TRPM5: variants seen among roughly 807,000 people sequenced by gnomAD.
The protein encoded by TRPM5 is MLSN1 and TRP-related.
TRPM5 carries 121 observed loss-of-function variants against 124.9 expected under a neutral mutation model. The observed-to-expected ratio is 0.97, with a 90% CI of 0.84 to 1.13. The LOEUF (loss-of-function observed/expected upper bound fraction) is 1.13, where lower values mean the gene tolerates loss of function less well. TRPM5 is among the 50% of genes most tolerant of loss of function. TRPM5 has a pLI of 0.00. For missense variants in TRPM5, 1,643 were observed against 1,589.1 expected, an observed-to-expected ratio of 1.03 and a Z score of -0.58; for synonymous variants, 781 against 700.5, an observed-to-expected ratio of 1.11 and a Z score of -1.81.
At chr11:2,414,115 C>A in exon 12 of TRPM5, 1 of 1,598,056 alleles carries the variant, frequency 6.3e-7, no homozygotes, top group East Asian at 2.3e-5. Context: ...TGGCCAGGTG[C>A]AGGCAGGTGG....
Position 2,415,903 on chromosome 11 carries a change from C to T in TRPM5, c.1128+3G>A. On this transcript the variant is annotated splice_donor_region_variant and intron_variant, in intron 8 of 23. Coordinates refer to ENST00000155858, the Ensembl canonical transcript of TRPM5. ...GAGGTGGGTAGGCAGGGCTGGGAGGCACCTTCCACTCCACGTCCCCATTGA... is the reference window on the plus strand; with the variant it reads ...GAGGTGGGTAGGCAGGGCTGGGAGGTACCTTCCACTCCACGTCCCCATTGA... The T allele has an allele frequency of 1.3e-6, 2 of 1,564,006 alleles. No individual in the cohort carries two copies. Among genetic ancestry groups the T allele is most frequent in the Non-Finnish European group, 1.7e-6 (2 of 1,151,948 alleles).
At chr11:2,407,085 TCACCCAGG>T in intron 20 of TRPM5, 26 bp downstream of exon 25, 1 of 1,028,304 alleles carries the variant, frequency 9.7e-7, no homozygotes, top group South Asian at 2.1e-5. Context: ...CACCTCGGCC[TCACCCAGG>T]TGCTCCCGCT....
the TRPM5 span, among the ~76,000 whole-genome samples, chr11:2,444,257 G>A: frequency 6.6e-6 from 1 of 152,142 alleles, no homozygotes; most frequent in Non-Finnish European, 1.5e-5. Context: ...TGGGCACCCG[G>A]GGGCGCTCAC....
intron 21 of TRPM5, among the ~76,000 whole-genome samples, chr11:2,406,454 C>T (rs771283579): frequency 3.3e-5 from 5 of 152,158 alleles, no homozygotes; most frequent in Non-Finnish European, 7.4e-5. Context: ...GGTCACTGTG[C>T]ACGCTCCCTT....
At chr11:2,417,409 C>A (rs937191119) in intron 7 of TRPM5, among the ~76,000 whole-genome samples, 1 of 152,150 alleles carries the variant, frequency 6.6e-6, no homozygotes, top group Non-Finnish European at 1.5e-5. Flanking sequence ...GAGCCGAGAT[C>A]GCAGCACTGC....
intron 17 of TRPM5, 46 bp from the exon 23 acceptor site, chr11:2,411,572 G>A (rs759837105): frequency 1.2e-6 from 2 of 1,608,542 alleles, no homozygotes; most frequent in Admixed American, 1.7e-5. Context: ...GGCCAGCCGG[G>A]TGGGGCCCAG....
chr11:2,425,065 G>A (rs1049640142), upstream of TRPM5, among the ~76,000 whole-genome samples: 5 of 152,310 alleles, frequency 3.3e-5, no homozygotes, highest in East Asian at 1.9e-4. Context: ...GGCCTCCCGC[G>A]CTGGTGGAGA....
intron 4 of TRPM5, among the ~76,000 whole-genome samples, chr11:2,418,802 C>T (rs907687456): frequency 5.9e-5 from 9 of 152,216 alleles, no homozygotes; most frequent in South Asian, 2.1e-4. Context: ...CTACCCAGCA[C>T]GCGCACTTTG....
exon 8 of TRPM5, chr11:2,415,980 G>A: frequency 6.3e-7 from 1 of 1,586,092 alleles, no homozygotes; most frequent in Non-Finnish European, 8.6e-7. Context: ...GCCAGCTTGA[G>A]CTCATCCAGA....
At chr11:2,421,815 GC>G (rs1345905047) in intron 2 of TRPM5, among the ~76,000 whole-genome samples, 2 of 152,218 alleles carry the variant, frequency 1.3e-5, no homozygotes, top group Non-Finnish European at 1.5e-5. Context: ...CGGCCCATGG[GC>G]CCTGCTAGTG....
rs199966281 is a variant in TRPM5, at chr11:2,407,784, T to G, written c.2911A>C (p.Met971Leu). The G allele has an allele frequency of 4.0e-5, 64 of 1,613,818 alleles. No individual in the cohort carries two copies. The East Asian group carries it at 1.2e-3, about 31-fold the overall frequency. Reference sequence around the variant, plus strand: ...CTGAACATGGCGATGAGCAGGTTCATGAGCAGCACATTGGTGACCAACAGG... The same window carrying G: ...CTGAACATGGCGATGAGCAGGTTCAGGAGCAGCACATTGGTGACCAACAGG... Residue 971 changes from methionine to leucine, a missense_variant, in exon 19 of 24, where the codon ATG becomes CTG. By Grantham distance (15) the Met-to-Leu change is conservative. Coordinates refer to ENST00000155858, the Ensembl canonical transcript of TRPM5.
At chr11:2,415,463 G>A in exon 9 of TRPM5, 2 of 1,567,724 alleles carry the variant, frequency 1.3e-6, no homozygotes, top group Non-Finnish European at 1.7e-6. Context: ...CCTCCTCCAG[G>A]TCACAGGACT....
chr11:2,420,529 G>T, intron 3 of TRPM5, 124 bp from the exon 9 acceptor site: 1 of 999,524 alleles, frequency 1.0e-6, no homozygotes, highest in Non-Finnish European at 1.4e-6. Context: ...GCTTCTGCCC[G>T]AGCCTTGGTT....
exon 19 of TRPM5, chr11:2,407,842 G>A (rs772264412): frequency 3.1e-5 from 50 of 1,613,920 alleles, no homozygotes; most frequent in Non-Finnish European, 4.2e-5. Context: ...CCAGCCAGTT[G>A]GCATAGAGGC....
At chr11:2,414,193 C>T in exon 12 of TRPM5, 1 of 1,609,574 alleles carries the variant, frequency 6.2e-7, no homozygotes, top group Non-Finnish European at 8.5e-7. Context: ...TGCTGTAGCA[C>T]TCGGAGAAGA....
intron 7 of TRPM5, 74 bp from the exon 13 acceptor site, chr11:2,416,098 A>G: frequency 8.8e-7 from 1 of 1,133,262 alleles, no homozygotes; most frequent in South Asian, 1.4e-5. Flanking sequence ...AGGGTCCCCA[A>G]AGGTGCGCTG....
At chr11:2,405,257 C>T (rs1457586661) in intron 23 of TRPM5, among the ~76,000 whole-genome samples, 4 of 152,224 alleles carry the variant, frequency 2.6e-5, no homozygotes, top group African/African-American at 9.6e-5. Context: ...GGCCGAGGGG[C>T]CCGTTTGCTT....
rs187874848 is a variant in TRPM5, at chr11:2,417,935, C to A, written c.907-106G>T. 12 of 1,175,920 alleles carry A rather than the reference C, an allele frequency of 1.0e-5. No homozygotes were observed. In the African/African-American group the frequency reaches 1.4e-4, roughly 13 times the overall value. 72.8% of individuals were successfully genotyped at this position (1,175,920 alleles called of 1,614,324 possible). On this transcript the variant is annotated intron_variant, in intron 6 of 23. Coordinates refer to ENST00000155858, the Ensembl canonical transcript of TRPM5. ...GGCACAGGCAGCGTCCCCAGGTGAG[C>A]CTTGCAGCCTGCATGCCCACCGCCC...
chr11:2,405,889 G>A, intron 22 of TRPM5, 130 bp downstream of exon 27: 1 of 859,142 alleles, frequency 1.2e-6, no homozygotes, highest in East Asian at 2.6e-5. Flanking sequence ...TCTGCCCACT[G>A]GGGTGCTCCT....
Sources: gnomAD v4.1 joint callset for allele counts (sites outside exome capture counted in the v4.1 genomes callset) on GRCh38, gnomAD v4.1.1 for gene constraint, MANE v1.5 for transcripts, NCBI Gene and HGNC (gene_info 2026-07-23, HGNC 2026-07-21) for gene names.